CNNM1: variants seen among roughly 807,000 people sequenced by gnomAD.
The protein encoded by CNNM1 is metal transporter CNNM1.
CNNM1 carries 44 observed loss-of-function variants against 78.8 expected under a neutral mutation model. The ratio of observed to expected loss-of-function variants is 0.56; its 90% CI spans 0.44 to 0.72. The LOEUF (loss-of-function observed/expected upper bound fraction) is 0.72, where lower values mean the gene tolerates loss of function less well. Among genes scored for constraint, CNNM1 ranks in the 30% least tolerant of loss-of-function variants. The pLI, the probability that CNNM1 is intolerant of heterozygous loss-of-function variation, is 0.00. For synonymous variants in CNNM1, 584 were observed against 581.5 expected (o/e 1.00, Z -0.06); for missense variants, 1,101 against 1,292.2 (o/e 0.85, Z 2.27).
At chr10:99,376,917 G>C in intron 6 of CNNM1, 138 bp from the exon 7 acceptor site, 1 of 801,160 alleles carries the variant, frequency 1.2e-6, no homozygotes, top group Non-Finnish European at 2.0e-6. Context: ...CCACCACCCA[G>C]TGTTACCATC....
At chr10:99,353,389 C>T (rs2031017090) in intron 1 of CNNM1, among the ~76,000 whole-genome samples, 1 of 152,090 alleles carries the variant, frequency 6.6e-6, no homozygotes. Flanking sequence ...TGTGCCTGGC[C>T]CCTAGAGTGT....
intron 6 of CNNM1, among the ~76,000 whole-genome samples, chr10:99,373,898 A>T (rs2134065259): frequency 6.6e-6 from 1 of 152,338 alleles, no homozygotes; most frequent in East Asian, 1.9e-4. Flanking sequence ...TTGTGGCTGA[A>T]TAATATTTCA....
Position 99,330,219 on chromosome 10 carries a change from AG to A in CNNM1, c.837del (p.Thr280ProfsTer82). On this transcript the variant is annotated frameshift_variant, in exon 1 of 11. Coordinates refer to ENST00000356713, the MANE Select transcript of CNNM1 (RefSeq NM_020348.3). LOFTEE classifies it high-confidence loss of function. ...GCGCCGCGTGCAGGCCGTTCGCGGC[AG>A]GGGGACCCATCTGCTCTGCACCCTA... is the stretch of plus-strand genomic sequence containing the variant. ...QARRVQAVRGRGTHLLCTLLL... is the reference protein window; with the variant it reads ...QARRVQAVRGXGTHLLCTLLL... 1.3e-6 allele frequency: 2 copies of A among 1,518,768 alleles called. No homozygotes were observed. 94.1% of individuals were successfully genotyped at this position (1,518,768 alleles called of 1,614,324 possible).
intron 6 of CNNM1, among the ~76,000 whole-genome samples, chr10:99,369,996 C>T (rs1045225653): frequency 4.6e-5 from 7 of 152,254 alleles, no homozygotes; most frequent in Middle Eastern, 3.4e-3. Context: ...AAGATCAAAG[C>T]GAGGATGTGT....
At chr10:99,366,486 A>G (rs182143273) in intron 6 of CNNM1, among the ~76,000 whole-genome samples, 2 of 152,168 alleles carry the variant, frequency 1.3e-5, no homozygotes, top group South Asian at 2.1e-4. Flanking sequence ...AAAAAAAAAA[A>G]AAAAGAAATT....
chr10:99,350,415 T>C (rs2030898218), intron 1 of CNNM1, among the ~76,000 whole-genome samples: 1 of 152,230 alleles, frequency 6.6e-6, no homozygotes, highest in Non-Finnish European at 1.5e-5. Context: ...GTAGCTATTT[T>C]TGAAGAAGAG....
At chr10:99,337,481 T>C (rs1039305656) in intron 1 of CNNM1, among the ~76,000 whole-genome samples, 2 of 152,234 alleles carry the variant, frequency 1.3e-5, no homozygotes, top group Non-Finnish European at 2.9e-5. Flanking sequence ...CACATTGCAC[T>C]TCTGTCAGGA....
chr10:99,355,497 A>G (rs527296026), intron 1 of CNNM1, among the ~76,000 whole-genome samples: 2 of 152,344 alleles, frequency 1.3e-5, no homozygotes, highest in East Asian at 3.9e-4. Flanking sequence ...TAACATCTGA[A>G]TCAGTACCCC....
rs1850559908 is a variant in CNNM1 at position 99,329,840 on chromosome 10, C to T, written c.453C>T (p.Pro151=). 1.4e-6 allele frequency: 2 copies of T among 1,419,936 alleles called. No individual in the cohort carries two copies. Among genetic ancestry groups the T allele is most frequent in the South Asian group, 1.5e-5 (1 of 66,014 alleles). 88.0% of individuals were successfully genotyped at this position (1,419,936 alleles called of 1,614,324 possible). A position where few individuals can be genotyped will look rare whatever the true frequency, so the allele number is the denominator to read the frequency against. Residue 151 remains proline (P), a synonymous_variant, in exon 1 of 11, where the codon CCC becomes CCT. Coordinates refer to ENST00000356713, the MANE Select transcript of CNNM1 (RefSeq NM_020348.3). ...TGGAAGTCCTGGGGCCCTTGCGTCC[C>T]GGGGGCGTGGCAGGCTCGGCCCTGG... The part of the protein sequence containing the change: ...SDVEVLGPLR[P]GGVAGSALVQ...
rs748618572 is a variant in CNNM1 at position 99,360,844 on chromosome 10, G to A, written c.1727G>A (p.Arg576Gln). ...LDETDLYTDN[R>Q]KKQRVPQRER... is the part of the protein sequence containing the mutation. ...CTCTGTGACCCCACAGCTGACAATCGGAAAAAGCAGAGGGTCCCGCAACGG... is the reference window on the plus strand; with the variant it reads ...CTCTGTGACCCCACAGCTGACAATCAGAAAAAGCAGAGGGTCCCGCAACGG... The change falls in exon 3 of 11, where the codon CGG becomes CAG. Residue 576 changes from arginine (R) to glutamine (Q), a missense_variant. Arg to Gln is a conservative substitution (Grantham distance 43). This residue lies in a region of CNNM1 where 277 missense variants were observed against 423.2 expected (regional missense o/e 0.65). Coordinates refer to ENST00000356713, the MANE Select transcript of CNNM1 (RefSeq NM_020348.3). 1.9e-5 allele frequency: 31 copies of A among 1,604,956 alleles called. No homozygotes were observed. The Admixed American group carries it at 2.0e-4, about 10-fold the overall frequency.
chr10:99,390,210 T>A, intron 9 of CNNM1, 96 bp from the exon 10 acceptor site: 1 of 881,472 alleles, frequency 1.1e-6, no homozygotes, highest in Non-Finnish European at 1.8e-6. Context: ...GTCTTAAACT[T>A]CACTTGCTGA....
intron 7 of CNNM1, among the ~76,000 whole-genome samples, chr10:99,387,312 T>C (rs141559072): frequency 5.3e-5 from 8 of 152,260 alleles, no homozygotes; most frequent in Admixed American, 3.3e-4. Flanking sequence ...CCAGCCAGCA[T>C]AGGAGCATGA....
rs958271955 is a variant in CNNM1 at position 99,362,151 on chromosome 10, C to T, written c.1859-76C>T. 5.7e-6 allele frequency: 8 copies of T among 1,398,654 alleles called. No homozygotes were observed. In the African/African-American group the frequency reaches 1.0e-4, roughly 18 times the overall value. 86.6% of individuals were successfully genotyped at this position (1,398,654 alleles called of 1,614,324 possible). On this transcript the variant is annotated intron_variant, in intron 3 of 10. Transcript: ENST00000356713. The stretch of plus-strand genomic sequence containing the variant: ...GGTCCCAGTTGTGCCCACTCTGACT[C>T]CTCCCAGCTGCCACTGCTGGAATGG...
In CNNM1 at chr10:99,364,463, A is replaced by G; in HGVS notation, c.2075A>G (p.Asn692Ser). The change falls in exon 5 of 11, where the codon AAT becomes AGT. Residue 692 changes from asparagine (N) to serine (S), a missense_variant. By Grantham distance (46) the Asn-to-Ser change is conservative. This residue lies in a region of CNNM1 where 348 missense variants were observed against 384.5 expected (regional missense o/e 0.90). Transcript: ENST00000356713. ...GGTAAGGAAGGCCTTCGCTTTGAAA[A>G]TGGAGCCTTTACTTACTATGGCGTC... Reference protein sequence around the residue: ...EVGKEGLRFENGAFTYYGVPA... With the variant: ...EVGKEGLRFESGAFTYYGVPA... 3 of 1,612,838 alleles carry G rather than the reference A, an allele frequency of 1.9e-6. No homozygotes were observed. The highest frequency in any genetic ancestry group is 2.2e-5 in the East Asian group (1 of 44,824).
chr10:99,371,929 C>T (rs112035686), intron 6 of CNNM1, among the ~76,000 whole-genome samples: 3,717 of 152,296 alleles, frequency 0.024, 74 homozygotes, highest in Non-Finnish European at 0.038. Context: ...CATTCCCCCT[C>T]ATCCCTCACT....
chr10:99,375,842 A>G (rs2031944438), intron 6 of CNNM1, among the ~76,000 whole-genome samples: 1 of 152,228 alleles, frequency 6.6e-6, no homozygotes, highest in African/African-American at 2.4e-5. Flanking sequence ...AAGAAGCAGA[A>G]GGATTGGGGG....
chr10:99,333,017 C>T (rs898746600), intron 1 of CNNM1, among the ~76,000 whole-genome samples: 6 of 152,178 alleles, frequency 3.9e-5, no homozygotes, highest in Non-Finnish European at 8.8e-5. Context: ...GGCTAGCAGT[C>T]CAAGATCAAG....
In CNNM1 at chr10:99,330,062, G is replaced by A; in HGVS notation, c.675G>A (p.Arg225=). Residue 225 remains arginine, a synonymous_variant, in exon 1 of 11, where the codon CGG becomes CGA. Coordinates refer to ENST00000356713, the MANE Select transcript of CNNM1 (RefSeq NM_020348.3). The part of the protein sequence containing the change: ...GGDLLPPAWL[R]ALGALLLLAL... ...ACCTGCTGCCCCCTGCGTGGCTGCG[G>A]GCGCTCGGGGCGCTCCTGCTGCTAG... is the stretch of plus-strand genomic sequence containing the variant. The A allele has an allele frequency of 6.6e-7, 1 of 1,514,520 alleles. No individual in the cohort carries two copies. The highest frequency in any genetic ancestry group is 8.8e-7 in the Non-Finnish European group (1 of 1,141,232). 93.8% of individuals were successfully genotyped at this position (1,514,520 alleles called of 1,614,324 possible).
At chr10:99,377,424 A>G (rs1169822390) in intron 7 of CNNM1, 2 of 429,658 alleles carry the variant, frequency 4.7e-6, no homozygotes, top group East Asian at 7.4e-5. Context: ...TCACTCTTTT[A>G]ACATCTCCTG....
Sources: allele counts gnomAD v4.1 joint callset (sites outside exome capture counted in the v4.1 genomes callset), GRCh38; gene constraint gnomAD v4.1.1; regional missense constraint gnomAD v4.1.1; transcripts MANE v1.5; gene names NCBI Gene and HGNC (gene_info 2026-07-23, HGNC 2026-07-21).